The following SLC13A4 variants were observed in gnomAD, a reference collection of about 807,000 sequenced individuals.
SLC13A4 encodes Na(+)/sulfate cotransporter SUT-1.
Under a neutral mutation model 72.7 loss-of-function variants are expected in SLC13A4, and 28 were observed. That is an observed-to-expected ratio of 0.39 (90% confidence interval 0.29 to 0.53). The LOEUF is 0.53. Ranked by LOEUF, SLC13A4 falls within the 20% of genes least tolerant of loss-of-function variation. SLC13A4 has a pLI of 0.78. For missense variants in SLC13A4, 653 were observed against 788.0 expected (o/e 0.83, Z 2.05); for synonymous variants, 312 against 325.5 (o/e 0.96, Z 0.45).
chr7:135,710,416 A>G (rs918285088), intron 2 of SLC13A4, among the ~76,000 whole-genome samples: 1 of 152,230 alleles, frequency 6.6e-6, no homozygotes, highest in African/African-American at 2.4e-5. Context: ...ACAAAAAACA[A>G]AAAGAAAAAA....
At chr7:135,721,638 T>A in intron 1 of SLC13A4, 115 bp from the exon 2 acceptor site, 1 of 1,384,416 alleles carries the variant, frequency 7.2e-7, no homozygotes, top group Non-Finnish European at 9.9e-7. Context: ...GGTACTAGGA[T>A]ACAGCCCAGG....
chr7:135,714,035 T>G (rs1314963020), intron 2 of SLC13A4, among the ~76,000 whole-genome samples: 1 of 152,218 alleles, frequency 6.6e-6, no homozygotes, highest in East Asian at 1.9e-4. Context: ...AGTGTCTCCT[T>G]TCCACCTTCC....
rs1795499073 is a variant in SLC13A4, at chr7:135,681,472, C to T, written c.*91G>A. 1.3e-6 allele frequency: 2 copies of T among 1,516,980 alleles called. No individual in the cohort carries two copies. The highest frequency in any genetic ancestry group is 2.3e-5 in the East Asian group (1 of 43,930). The allele number at this position is 1,516,980 out of a possible 1,614,324, so 94.0% of individuals were successfully genotyped here. Reference sequence around the variant, plus strand: ...CGGCGTGGGTCTGGGGTTGTGTGCTCCTGGTGGTCCTAGTGGTTTTCTTTG... The same window carrying T: ...CGGCGTGGGTCTGGGGTTGTGTGCTTCTGGTGGTCCTAGTGGTTTTCTTTG... On this transcript the variant is annotated 3_prime_UTR_variant, in exon 16 of 16. Transcript: ENST00000682651.
chr7:135,699,261 A>C, intron 8 of SLC13A4, 103 bp downstream of exon 8: 5 of 1,179,954 alleles, frequency 4.2e-6, no homozygotes, highest in Non-Finnish European at 4.6e-6. Flanking sequence ...CTTTCTACGG[A>C]AACTCTTCTA....
chr7:135,723,652 C>T (rs1035415911), intron 1 of SLC13A4, among the ~76,000 whole-genome samples: 3 of 152,164 alleles, frequency 2.0e-5, no homozygotes, highest in African/African-American at 7.2e-5. Context: ...GAGTTCAGAA[C>T]ACGCGTCCTC....
chr7:135,720,832 A>G (rs1362717122), intron 2 of SLC13A4, among the ~76,000 whole-genome samples: 1 of 152,192 alleles, frequency 6.6e-6, no homozygotes, highest in African/African-American at 2.4e-5. Flanking sequence ...GAGAGGGCTC[A>G]CTCTAGGGAG....
At position 135,684,212 on chromosome 7, in the gene SLC13A4, A is replaced by G. The variant is rs1321530139; in HGVS notation, c.1658T>C (p.Met553Thr). The part of the protein sequence containing the change: ...NPLYTLIPVT[M>T]CISFAVMLPV... ...CAGCATCACTGCAAAGGAGATGCAC[A>G]TGGTGACTGGGATCAGGGTGTAGAG... The change falls in exon 15 of 16, where the codon ATG becomes ACG. Residue 553 changes from methionine to threonine, a missense_variant. Transcript: ENST00000682651. 1 of 1,613,102 alleles carries G rather than the reference A, an allele frequency of 6.2e-7. No individual in the cohort carries two copies. Among genetic ancestry groups the G allele is most frequent in the Non-Finnish European group, 8.5e-7 (1 of 1,179,500 alleles).
chr7:135,698,829 T>C (rs1795964525), intron 8 of SLC13A4, among the ~76,000 whole-genome samples: 1 of 151,790 alleles, frequency 6.6e-6, no homozygotes, highest in Non-Finnish European at 1.5e-5. Context: ...GAGACGGAGT[T>C]TCACCATGTT....
At chr7:135,720,566 A>C (rs1291778866) in intron 2 of SLC13A4, among the ~76,000 whole-genome samples, 2 of 151,466 alleles carry the variant, frequency 1.3e-5, no homozygotes, top group African/African-American at 4.9e-5. Flanking sequence ...AAAAAAAAAA[A>C]AAAAAAAACC....
chr7:135,702,865 T>C lies in SLC13A4; in HGVS notation c.613A>G (p.Thr205Ala). The C allele has an allele frequency of 6.2e-7, 1 of 1,613,914 alleles. No homozygotes were observed. Among genetic ancestry groups the C allele is most frequent in the Non-Finnish European group, 8.5e-7 (1 of 1,179,836 alleles). ...VNEDRSNADLTTLMHNENLNG... is the reference protein window; with the variant it reads ...VNEDRSNADLATLMHNENLNG... The stretch of plus-strand genomic sequence containing the variant: ...CATACCTCGTTGTGCATCAGAGTGG[T>C]GAGGTCTGCGTTGGACCTGCTGGAA... The change falls in exon 6 of 16, where the codon ACC becomes GCC. Residue 205 changes from threonine to alanine, a missense_variant. Transcript: ENST00000682651.
chr7:135,694,058 G>C, intron 10 of SLC13A4, 79 bp downstream of exon 10: 1 of 864,116 alleles, frequency 1.2e-6, no homozygotes, highest in Non-Finnish European at 2.0e-6. Flanking sequence ...GGATTGTCAG[G>C]AACAGGGCTG....
At chr7:135,682,019 G>A (rs143699875) in intron 15 of SLC13A4, among the ~76,000 whole-genome samples, 1 of 152,316 alleles carries the variant, frequency 6.6e-6, no homozygotes, top group Non-Finnish European at 1.5e-5. Context: ...ATAGGGAAAT[G>A]TGCTAAACAA....
At chr7:135,713,352 A>G (rs1344618238) in intron 2 of SLC13A4, among the ~76,000 whole-genome samples, 1 of 152,126 alleles carries the variant, frequency 6.6e-6, no homozygotes, top group East Asian at 1.9e-4. Flanking sequence ...TTTAGGAAAG[A>G]TGGGCTCAAG....
chr7:135,726,804 G>A (rs1194771585), intron 1 of SLC13A4, among the ~76,000 whole-genome samples: 1 of 152,184 alleles, frequency 6.6e-6, no homozygotes, highest in Non-Finnish European at 1.5e-5. Flanking sequence ...ATGGGAGCAG[G>A]GCAGCCTGCT....
At chr7:135,719,951 T>TG (rs1796511917) in intron 2 of SLC13A4, among the ~76,000 whole-genome samples, 1 of 54,660 alleles carries the variant, frequency 1.8e-5, no homozygotes, top group Non-Finnish European at 3.5e-5. Context: ...GGGAGGGAGT[T>TG]GGGGGGAGAG....
Position 135,728,013 on chromosome 7 carries a change from CT to C in SLC13A4, c.-518del. On this transcript the variant is annotated 5_prime_UTR_variant, in exon 1 of 16. Coordinates refer to ENST00000682651, the MANE Select transcript of SLC13A4 (RefSeq NM_001318192.2). ...CCACCTGGGCTCGCTGTTGGTAAGA[CT>C]CTAGTAGCCCCTTTCCTTAAAACAA... is the stretch of plus-strand genomic sequence containing the variant. The C allele has an allele frequency of 6.6e-6, 1 of 152,524 alleles. No individual in the cohort carries two copies. The highest frequency in any genetic ancestry group is 3.4e-3 in the Middle Eastern group (1 of 294). The allele number at this position is 152,524 out of a possible 1,614,324, so 9.4% of individuals were successfully genotyped here. A position where few individuals can be genotyped will look rare whatever the true frequency, so the allele number is the denominator to read the frequency against.
intron 5 of SLC13A4, chr7:135,703,127 A>G (rs993896176): frequency 1.8e-6 from 1 of 545,896 alleles, no homozygotes; most frequent in African/African-American, 1.9e-5. Flanking sequence ...GATATTAACA[A>G]TCGTCCTAAC....
intron 2 of SLC13A4, among the ~76,000 whole-genome samples, chr7:135,712,901 G>A (rs983135480): frequency 2.0e-5 from 3 of 152,086 alleles, no homozygotes; most frequent in South Asian, 2.1e-4. Flanking sequence ...CATTCTCCCC[G>A]GCTTCTTGTG....
Position 135,727,716 on chromosome 7 carries a change from A to G in SLC13A4, c.-220T>C. On this transcript the variant is annotated 5_prime_UTR_variant, in exon 1 of 16. The change abolishes an upstream ATG in the 5' untranslated region. Transcript: ENST00000682651. ...CCTGCTTTAGGTGGGATTGATGAGC[A>G]TCGTTTTGTGACCAGCAAAAAGGAA... 2.0e-6 allele frequency: 1 copy of G among 506,006 alleles called. No homozygotes were observed. Among genetic ancestry groups the G allele is most frequent in the Admixed American group, 3.5e-5 (1 of 28,906 alleles). 31.3% of individuals were successfully genotyped at this position (506,006 alleles called of 1,614,324 possible). A position where few individuals can be genotyped will look rare whatever the true frequency, so the allele number is the denominator to read the frequency against.
Sources: gnomAD v4.1 joint callset for allele counts (sites outside exome capture counted in the v4.1 genomes callset) on GRCh38, gnomAD v4.1.1 for gene constraint, MANE v1.5 for transcripts, NCBI Gene and HGNC (gene_info 2026-07-23, HGNC 2026-07-21) for gene names.